ZNF432: variants seen among roughly 807,000 people sequenced by gnomAD.
The protein encoded by ZNF432 is zinc finger protein 432.
A neutral mutation model predicts 13.9 loss-of-function variants in ZNF432; 10 were observed. The observed-to-expected ratio is 0.72, with a 90% CI of 0.44 to 1.22. The LOEUF (loss-of-function observed/expected upper bound fraction) is 1.22, where lower values mean the gene tolerates loss of function less well. Ranked by LOEUF, ZNF432 falls within the 50% of genes most tolerant of loss-of-function variation. The pLI is 0.00. For missense variants in ZNF432, 793 were observed against 796.2 expected (o/e 1.00, Z 0.05); for synonymous variants, 247 against 256.2 (o/e 0.96, Z 0.34).
chr19:52,039,279 G>A (rs74810702), intron 4 of ZNF432, among the ~76,000 whole-genome samples: 239 of 152,254 alleles, frequency 1.6e-3, no homozygotes, highest in African/African-American at 5.5e-3. Flanking sequence ...GTACATGAAC[G>A]TTCATAGCAG....
In ZNF432 at chr19:52,034,688, T is replaced by C; in HGVS notation, c.991A>G (p.Met331Val). ...ECGKGFTGKS[M>V]LIIHQRTHTG... ...TGAGTTCGCTGATGTATAATAAGCATGCTCTTCCCAGTGAAGCCTTTTCCA... is the reference window on the plus strand; with the variant it reads ...TGAGTTCGCTGATGTATAATAAGCACGCTCTTCCCAGTGAAGCCTTTTCCA... Residue 331 changes from methionine to valine, a missense_variant, in exon 5 of 5, where the codon ATG becomes GTG. By Grantham distance (21) the Met-to-Val change is conservative. Coordinates refer to ENST00000221315, the MANE Select transcript of ZNF432 (RefSeq NM_014650.4). The C allele has an allele frequency of 1.2e-6, 2 of 1,613,890 alleles. No individual in the cohort carries two copies. Among genetic ancestry groups the C allele is most frequent in the Non-Finnish European group, 1.7e-6 (2 of 1,179,946 alleles).
intron 1 of ZNF432, among the ~76,000 whole-genome samples, chr19:52,048,180 C>A (rs1471807873): frequency 2.4e-4 from 35 of 145,958 alleles, no homozygotes; most frequent in African/African-American, 8.6e-4. Context: ...CACACACACA[C>A]ACAAAACCAG....
rs139964929 is a variant in ZNF432, at chr19:52,035,849, C to T, written c.239-409G>A. 7.4e-4 allele frequency among the ~76,000 whole-genome samples: 112 copies of T among 152,138 alleles called. 1 individual carries two copies. The East Asian group carries it at 0.02, about 28-fold the overall frequency. ...CACCTGGCCAGGTGTTTTTAAATATCGCTATTTAATGACAATACTACAATA... is the reference window on the plus strand; with the variant it reads ...CACCTGGCCAGGTGTTTTTAAATATTGCTATTTAATGACAATACTACAATA... On this transcript the variant is annotated intron_variant, in intron 4 of 4. Transcript: ENST00000221315.
rs1300263315 is a variant in ZNF432 at position 52,035,355 on chromosome 19, A to G, written c.324T>C (p.Asn108=). The change falls in exon 5 of 5, where the codon AAT becomes AAC. Residue 108 remains asparagine (N), a synonymous_variant. Coordinates refer to ENST00000221315, the MANE Select transcript of ZNF432 (RefSeq NM_014650.4). ...TTTGAGAGGCAGTATTTCCAAATGC[A>G]TTATGTTCATGGTATTGTTCCACAC... ...LKSVEQYHEH[N]AFGNTASQTK... The G allele has an allele frequency of 8.7e-6, 14 of 1,611,854 alleles. No homozygotes were observed. The highest frequency in any genetic ancestry group is 1.1e-5 in the Non-Finnish European group (13 of 1,179,448).
rs1333421011 is a variant in ZNF432 at position 52,041,709 on chromosome 19, G to T, written c.16-103C>A. 3.7e-6 allele frequency: 5 copies of T among 1,348,162 alleles called. No individual in the cohort carries two copies. In the East Asian group the frequency reaches 9.5e-5, roughly 26 times the overall value. The allele number at this position is 1,348,162 out of a possible 1,614,324, so 83.5% of individuals were successfully genotyped here. On this transcript the variant is annotated intron_variant, in intron 2 of 4. Coordinates refer to ENST00000221315, the MANE Select transcript of ZNF432 (RefSeq NM_014650.4). ...CCCGCTCACATTAAACATATAGACT[G>T]CATCCATCTATAAGTCTATTGTATT...
chr19:52,034,137 T>C lies in ZNF432; in HGVS notation c.1542A>G (p.Ile514Met), dbSNP rs1394403450. 2 of 1,614,108 alleles carry C rather than the reference T, an allele frequency of 1.2e-6. No homozygotes were observed. Among genetic ancestry groups the C allele is most frequent in the Non-Finnish European group, 1.7e-6 (2 of 1,179,998 alleles). The part of the protein sequence containing the change: ...QRTHTGEKPY[I>M]CNECGKGFAF... Reference sequence around the variant, plus strand: ...CAAAACCTTTTCCACATTCATTGCATATGTACGGTTTCTCTCCAGTATGAG... The same window carrying C: ...CAAAACCTTTTCCACATTCATTGCACATGTACGGTTTCTCTCCAGTATGAG... Residue 514 changes from isoleucine (I) to methionine (M), a missense_variant, in exon 5 of 5, where the codon ATA becomes ATG. Transcript: ENST00000221315.
At chr19:52,045,665 C>T (rs1461959490) in intron 2 of ZNF432, among the ~76,000 whole-genome samples, 1 of 148,436 alleles carries the variant, frequency 6.7e-6, no homozygotes, top group Admixed American at 6.7e-5. Context: ...CGGAAATTTA[C>T]TTTTTTAACC....
intron 2 of ZNF432, 96 bp downstream of exon 2, chr19:52,046,758 A>C: frequency 7.6e-7 from 1 of 1,309,250 alleles, no homozygotes; most frequent in Admixed American, 2.1e-5. Context: ...AGTTAGATTT[A>C]AAGTTTATTT....
At chr19:52,044,475 A>T (rs1457588595) in intron 2 of ZNF432, among the ~76,000 whole-genome samples, 1 of 152,174 alleles carries the variant, frequency 6.6e-6, no homozygotes, top group Non-Finnish European at 1.5e-5. Flanking sequence ...ACAGGCTAAA[A>T]AAAACTTTGC....
rs749222680 is a variant in ZNF432 at position 52,034,714 on chromosome 19, C to T, written c.965G>A (p.Cys322Tyr). 1.9e-6 allele frequency: 3 copies of T among 1,613,866 alleles called. No homozygotes were observed. The highest frequency in any genetic ancestry group is 3.3e-5 in the Admixed American group (2 of 59,980). ...TGEKSYICSECGKGFTGKSML... is the reference protein window; with the variant it reads ...TGEKSYICSEYGKGFTGKSML... ...GCTCTTCCCAGTGAAGCCTTTTCCA[C>T]ATTCACTACATATATAGGATTTCTC... Residue 322 changes from cysteine (C) to tyrosine (Y), a missense_variant, in exon 5 of 5, where the codon TGT becomes TAT. Transcript: ENST00000221315.
intron 4 of ZNF432, among the ~76,000 whole-genome samples, chr19:52,039,212 A>C (rs7260097): frequency 1.3e-5 from 2 of 152,204 alleles, no homozygotes; most frequent in Non-Finnish European, 2.9e-5. Context: ...TGACCTGGCA[A>C]TTCTACTCCT....
rs1297646073 is a variant in ZNF432, at chr19:52,033,368, T to C, written c.*352A>G. 9.8e-6 allele frequency: 2 copies of C among 204,338 alleles called. No individual in the cohort carries two copies. Among genetic ancestry groups the C allele is most frequent in the Non-Finnish European group, 2.0e-5 (2 of 100,458 alleles). The allele number at this position is 204,338 out of a possible 1,614,324, so 12.7% of individuals were successfully genotyped here. A position where few individuals can be genotyped will look rare whatever the true frequency, so the allele number is the denominator to read the frequency against. On this transcript the variant is annotated 3_prime_UTR_variant, in exon 5 of 5. Coordinates refer to ENST00000221315, the MANE Select transcript of ZNF432 (RefSeq NM_014650.4). ...GTGGTTTTCTCTCTGCATGAATTTG[T>C]TTGTATGTAATCAGTTCAGATTCTC...
chr19:52,047,991 T>G (rs1427549439), intron 1 of ZNF432, among the ~76,000 whole-genome samples: 1 of 152,020 alleles, frequency 6.6e-6, no homozygotes, highest in East Asian at 1.9e-4. Context: ...AAACTTTCAT[T>G]TTCTGCAGGT....
chr19:52,034,451 A>G lies in ZNF432; in HGVS notation c.1228T>C (p.Phe410Leu). ...PYICSECGKGFPRKSNLIVHQ... is the reference protein window; with the variant it reads ...PYICSECGKGLPRKSNLIVHQ... Reference sequence around the variant, plus strand: ...ACAATAAGATTACTCTTCCTGGGAAAGCCTTTTCCACATTCACTGCATATG... The same window carrying G: ...ACAATAAGATTACTCTTCCTGGGAAGGCCTTTTCCACATTCACTGCATATG... The change falls in exon 5 of 5, where the codon TTT becomes CTT. Residue 410 changes from phenylalanine (F) to leucine (L), a missense_variant. Transcript: ENST00000221315. 3 of 1,614,058 alleles carry G rather than the reference A, an allele frequency of 1.9e-6. No individual in the cohort carries two copies. The highest frequency in any genetic ancestry group is 1.7e-6 in the Non-Finnish European group (2 of 1,179,998).
In ZNF432 at chr19:52,034,034, CT is replaced by C. The variant is rs2087043042; in HGVS notation, c.1644del (p.Gly549AlafsTer4). 1.2e-6 allele frequency: 2 copies of C among 1,614,078 alleles called. No individual in the cohort carries two copies. The highest frequency in any genetic ancestry group is 1.7e-6 in the Non-Finnish European group (2 of 1,180,050). Reference sequence around the variant, plus strand: ...ATGAGATAGCGTTTCATGGTGAAGCCTTTTCCACATTCACTGCACATAAAGG... The same window carrying C: ...ATGAGATAGCGTTTCATGGTGAAGCCTTTCCACATTCACTGCACATAAAGG... ...EKPFMCSECG[K>X]GFTMKRYLIV... On this transcript the variant is annotated frameshift_variant, in exon 5 of 5. Coordinates refer to ENST00000221315, the MANE Select transcript of ZNF432 (RefSeq NM_014650.4). LOFTEE classifies it low-confidence loss of function (END_TRUNC).
rs1467753641 is a variant in ZNF432, at chr19:52,034,496, G to A, written c.1183C>T (p.His395Tyr). The change falls in exon 5 of 5, where the codon CAT becomes TAT. Residue 395 changes from histidine (H) to tyrosine (Y), a missense_variant. By Grantham distance (83) the His-to-Tyr change is moderately conservative. Transcript: ENST00000221315. ...KSRMIEHQRT[H>Y]TGEKPYICSE... Reference sequence around the variant, plus strand: ...CATATGTAGGGTTTCTCTCCTGTATGAGTTCGTTGATGTTCGATCATACGG... The same window carrying A: ...CATATGTAGGGTTTCTCTCCTGTATAAGTTCGTTGATGTTCGATCATACGG... 6.2e-7 allele frequency: 1 copy of A among 1,614,060 alleles called. No homozygotes were observed. The highest frequency in any genetic ancestry group is 8.5e-7 in the Non-Finnish European group (1 of 1,180,024).
rs779298996 is a variant in ZNF432 at position 52,040,458 on chromosome 19, T to G, written c.238+30A>C. Reference sequence around the variant, plus strand: ...AGCCTTCTTTCACTGACTATAATATTACTTACGCATCTTGCTGCTTCTCAC... The same window carrying G: ...AGCCTTCTTTCACTGACTATAATATGACTTACGCATCTTGCTGCTTCTCAC... On this transcript the variant is annotated intron_variant, in intron 4 of 4. Coordinates refer to ENST00000221315, the MANE Select transcript of ZNF432 (RefSeq NM_014650.4). 1.1e-5 allele frequency: 18 copies of G among 1,585,732 alleles called. No individual in the cohort carries two copies. In the Admixed American group the frequency reaches 3.0e-4, roughly 26 times the overall value.
At position 52,035,027 on chromosome 19, in the gene ZNF432, A is replaced by C. The variant is rs2087063395; in HGVS notation, c.652T>G (p.Ser218Ala). The change falls in exon 5 of 5, where the codon TCT becomes GCT. Residue 218 changes from serine to alanine, a missense_variant. Coordinates refer to ENST00000221315, the MANE Select transcript of ZNF432 (RefSeq NM_014650.4). ...SECGKAFVKK[S>A]QLTDHERVHT... is the part of the protein sequence containing the mutation. ...ACTCTCTCATGATCAGTGAGCTGAG[A>C]CTTCTTGACAAACGCTTTCCCACAT... 6.2e-7 allele frequency: 1 copy of C among 1,613,714 alleles called. No individual in the cohort carries two copies.
intron 4 of ZNF432, among the ~76,000 whole-genome samples, chr19:52,039,329 G>A (rs1010710674): frequency 1.3e-5 from 2 of 152,108 alleles, no homozygotes; most frequent in Non-Finnish European, 2.9e-5. Flanking sequence ...TAACCCAAAT[G>A]TCAATGCAAT....
Sources: gnomAD v4.1 joint callset for allele counts (sites outside exome capture counted in the v4.1 genomes callset) on GRCh38, gnomAD v4.1.1 for gene constraint, MANE v1.5 for transcripts, NCBI Gene and HGNC (gene_info 2026-07-23, HGNC 2026-07-21) for gene names.